PKP4: variants seen among roughly 807,000 people sequenced by gnomAD.
PKP4 encodes plakophilin-4.
In PKP4, 90 loss-of-function variants were observed where a neutral mutation model predicts 145.1. That is an observed-to-expected ratio of 0.62 (90% confidence interval 0.52 to 0.74). PKP4 has a LOEUF of 0.74. Among genes scored for constraint, PKP4 ranks in the 30% least tolerant of loss-of-function variants. The pLI is 0.00. For synonymous variants in PKP4, 563 were observed against 577.2 expected, an observed-to-expected ratio of 0.98 and a Z score of 0.35; for missense variants, 1,340 against 1,482.7, an observed-to-expected ratio of 0.90 and a Z score of 1.58.
intron 15 of PKP4, among the ~76,000 whole-genome samples, chr2:158,665,402 T>C (rs2056990573): frequency 6.6e-6 from 1 of 152,220 alleles, no homozygotes; most frequent in Non-Finnish European, 1.5e-5. Context: ...TTGAAATGCA[T>C]CTTTCCCTCT....
chr2:158,610,143 G>GT (rs2051006644), intron 4 of PKP4, among the ~76,000 whole-genome samples: 2 of 152,078 alleles, frequency 1.3e-5, no homozygotes, highest in East Asian at 1.9e-4. Flanking sequence ...CATCTTTTGT[G>GT]TTTTTTTATG....
intron 1 of PKP4, among the ~76,000 whole-genome samples, chr2:158,464,320 A>G (rs1690245996): frequency 6.6e-6 from 1 of 152,230 alleles, no homozygotes; most frequent in Non-Finnish European, 1.5e-5. Flanking sequence ...TCTAATTTTT[A>G]CATATAGACA....
chr2:158,591,554 A>G (rs2049278994), intron 3 of PKP4, among the ~76,000 whole-genome samples: 2 of 152,098 alleles, frequency 1.3e-5, no homozygotes, highest in Non-Finnish European at 2.9e-5. Context: ...TTTATTGTAT[A>G]TATTTTAAAT....
intron 3 of PKP4, among the ~76,000 whole-genome samples, chr2:158,587,044 T>C (rs1337946078): frequency 6.6e-6 from 1 of 152,162 alleles, no homozygotes; most frequent in Non-Finnish European, 1.5e-5. Context: ...TCACAGCAAA[T>C]AAGTATTCCA....
intron 1 of PKP4, among the ~76,000 whole-genome samples, chr2:158,496,696 A>G (rs1695759892): frequency 6.6e-6 from 1 of 151,978 alleles, no homozygotes; most frequent in Admixed American, 6.6e-5. Context: ...AAGCTGACTG[A>G]GAAATTTGAG....
intron 1 of PKP4, among the ~76,000 whole-genome samples, chr2:158,492,862 C>G (rs1478935061): frequency 6.6e-6 from 1 of 152,100 alleles, no homozygotes; most frequent in Non-Finnish European, 1.5e-5. Context: ...TTTAGAACAG[C>G]TTTTTGGTTT....
In PKP4 at chr2:158,510,226, C is replaced by G. The variant is rs1205040015; in HGVS notation, c.-5-22954C>G. ...TTCTTTGTGTCTGAATATGACTGAT[C>G]TAATATATTAAACATTTTTCTGTAA... is the stretch of plus-strand genomic sequence containing the variant. On this transcript the variant is annotated intron_variant, in intron 1 of 21. Transcript: ENST00000389759. Among the ~76,000 whole-genome samples, 14 of 152,266 alleles carry G rather than the reference C, an allele frequency of 9.2e-5. No homozygotes were observed. In the East Asian group the frequency reaches 1.9e-3, roughly 21 times the overall value.
intron 12 of PKP4, 130 bp downstream of exon 12, chr2:158,658,444 AC>A (rs2105969664): frequency 1.7e-6 from 1 of 594,726 alleles, no homozygotes; most frequent in African/African-American, 1.9e-5. Context: ...AATTTAGGCC[AC>A]TGGACTTTGT....
intron 1 of PKP4, among the ~76,000 whole-genome samples, chr2:158,501,021 T>C (rs1379082145): frequency 6.6e-6 from 1 of 152,142 alleles, no homozygotes; most frequent in African/African-American, 2.4e-5. Context: ...TTATCATGAC[T>C]GCTAGACCTG....
chr2:158,618,490 A>G (rs970101169), intron 4 of PKP4, among the ~76,000 whole-genome samples: 1 of 152,184 alleles, frequency 6.6e-6, no homozygotes, highest in Non-Finnish European at 1.5e-5. Context: ...TGGCTGTCAT[A>G]TTACTTTTGG....
At chr2:158,624,481 A>G (rs2052559721) in intron 6 of PKP4, among the ~76,000 whole-genome samples, 1 of 152,214 alleles carries the variant, frequency 6.6e-6, no homozygotes, top group African/African-American at 2.4e-5. Flanking sequence ...ACTTTGCTTC[A>G]TAGGGAATGA....
chr2:158,475,540 TC>T (rs1043069205), intron 1 of PKP4, among the ~76,000 whole-genome samples: 2 of 152,218 alleles, frequency 1.3e-5, no homozygotes, highest in Non-Finnish European at 2.9e-5. Context: ...CTGACAACTT[TC>T]TACTGCAATA....
At chr2:158,608,954 T>C (rs2050893194) in intron 4 of PKP4, among the ~76,000 whole-genome samples, 1 of 151,554 alleles carries the variant, frequency 6.6e-6, no homozygotes, top group Non-Finnish European at 1.5e-5. Flanking sequence ...GCTGGGATTA[T>C]AAGCGTGCAC....
intron 1 of PKP4, among the ~76,000 whole-genome samples, chr2:158,465,101 A>G (rs1409589374): frequency 6.6e-6 from 1 of 152,228 alleles, no homozygotes; most frequent in Non-Finnish European, 1.5e-5. Context: ...TCTTTAAGGA[A>G]TCCATGATAC....
At chr2:158,571,538 G>A (rs2047408852) in intron 2 of PKP4, among the ~76,000 whole-genome samples, 1 of 152,154 alleles carries the variant, frequency 6.6e-6, no homozygotes, top group Admixed American at 6.5e-5. Flanking sequence ...TCACCAGAGA[G>A]GGTTGTAGGA....
At chr2:158,484,382 A>G (rs987671059) in intron 1 of PKP4, among the ~76,000 whole-genome samples, 2 of 152,162 alleles carry the variant, frequency 1.3e-5, no homozygotes, top group African/African-American at 4.8e-5. Context: ...ATCCGTGCTA[A>G]CTCAGCGTCA....
chr2:158,604,939 C>T (rs2050530473), intron 4 of PKP4, among the ~76,000 whole-genome samples: 1 of 152,110 alleles, frequency 6.6e-6, no homozygotes, highest in South Asian at 2.1e-4. Flanking sequence ...CAGCCTATGC[C>T]AGGAGAAAGC....
At chr2:158,522,094 G>GC (rs2042430265) in intron 1 of PKP4, among the ~76,000 whole-genome samples, 1 of 152,054 alleles carries the variant, frequency 6.6e-6, no homozygotes, top group South Asian at 2.1e-4. Flanking sequence ...ACTCAAGAAA[G>GC]GAAAAATAAC....
At chr2:158,583,508 A>C (rs186043645) in intron 3 of PKP4, among the ~76,000 whole-genome samples, 9 of 152,228 alleles carry the variant, frequency 5.9e-5, no homozygotes, top group African/African-American at 1.9e-4. Context: ...GATAACTACT[A>C]TACATTTTAA....
Sources: gnomAD v4.1 joint callset for allele counts (sites outside exome capture counted in the v4.1 genomes callset) on GRCh38, gnomAD v4.1.1 for gene constraint, MANE v1.5 for transcripts, NCBI Gene and HGNC (gene_info 2026-07-23, HGNC 2026-07-21) for gene names.